Variants in NAA35 observed in about 807,000 individuals in gnomAD.
The protein encoded by NAA35 is N-alpha-acetyltransferase 35, NatC auxiliary subunit.
NAA35 carries 18 observed loss-of-function variants against 101.7 expected under a neutral mutation model. The ratio of observed to expected loss-of-function variants is 0.18; its 90% CI spans 0.12 to 0.26. The LOEUF is 0.26. Among genes scored for constraint, NAA35 ranks in the 10% least tolerant of loss-of-function variants. The pLI, the probability that NAA35 is intolerant of heterozygous loss-of-function variation, is 1.00. For missense variants in NAA35, 601 were observed against 886.8 expected (o/e 0.68, Z 4.09); for synonymous variants, 267 against 273.1 (o/e 0.98, Z 0.22).
Position 86,018,256 on chromosome 9 carries a change from C to T in NAA35, c.1775C>T (p.Thr592Ile). ...TTTCTTATTCCCTTTTTCATTTAGACCATGGTAGCATTTGACATGGACGGC... is the reference window on the plus strand; with the variant it reads ...TTTCTTATTCCCTTTTTCATTTAGATCATGGTAGCATTTGACATGGACGGC... Reference protein sequence around the residue: ...YQNMCAGMFKTMVAFDMDGKV... With the variant: ...YQNMCAGMFKIMVAFDMDGKV... The change falls in exon 20 of 23, where the codon ACC becomes ATC. Residue 592 changes from threonine to isoleucine, a missense_variant and splice_region_variant. Thr to Ile is a moderately conservative substitution (Grantham distance 89). This residue lies in a region of NAA35 where 99 missense variants were observed against 206.7 expected (regional missense o/e 0.48). Transcript: ENST00000361671. 1 of 1,609,290 alleles carries T rather than the reference C, an allele frequency of 6.2e-7. No homozygotes were observed. Among genetic ancestry groups the T allele is most frequent in the African/African-American group, 1.3e-5 (1 of 74,744 alleles).
At chr9:86,019,725 C>T (rs556114231) in intron 21 of NAA35, among the ~76,000 whole-genome samples, 3 of 152,258 alleles carry the variant, frequency 2.0e-5, no homozygotes, top group African/African-American at 7.2e-5. Context: ...GGAAGTATAT[C>T]TTGGGACCGC....
intron 2 of NAA35, among the ~76,000 whole-genome samples, chr9:85,944,619 C>T (rs1207731793): frequency 6.6e-6 from 1 of 152,234 alleles, no homozygotes; most frequent in Non-Finnish European, 1.5e-5. Flanking sequence ...GCTTCTCACC[C>T]TTTCCTTCCC....
intron 18 of NAA35, 99 bp downstream of exon 18, chr9:86,016,774 T>G: frequency 8.2e-7 from 1 of 1,225,312 alleles, no homozygotes; most frequent in Non-Finnish European, 1.1e-6. Context: ...TATATTTTAG[T>G]TCTTGTTCCT....
intron 6 of NAA35, 26 bp downstream of exon 6, chr9:85,962,206 C>G: frequency 6.2e-7 from 1 of 1,607,536 alleles, no homozygotes; most frequent in Non-Finnish European, 8.5e-7. Flanking sequence ...GTAAGAAATC[C>G]TTGGCCAGGT....
At chr9:86,015,841 T>C in intron 17 of NAA35, 3 of 935,526 alleles carry the variant, frequency 3.2e-6, no homozygotes, top group Non-Finnish European at 3.8e-6. Flanking sequence ...TTCACTTGAA[T>C]TAAGATATAT....
At chr9:86,012,662 G>A (rs1190295057) in intron 15 of NAA35, among the ~76,000 whole-genome samples, 1 of 152,130 alleles carries the variant, frequency 6.6e-6, no homozygotes, top group East Asian at 1.9e-4. Context: ...ATGGCTATTA[G>A]CTCTTTTTAA....
At chr9:86,018,908 G>T in intron 21 of NAA35, 87 bp downstream of exon 21, 1 of 1,495,864 alleles carries the variant, frequency 6.7e-7, no homozygotes, top group Non-Finnish European at 9.1e-7. Context: ...TTATGAAAGT[G>T]AACTTTAATA....
rs1284132251 is a variant in NAA35 at position 86,016,524 on chromosome 9, T to C, written c.1569-15T>C. On this transcript the variant is annotated splice_polypyrimidine_tract_variant and intron_variant, in intron 17 of 22. Coordinates refer to ENST00000361671, the MANE Select transcript of NAA35 (RefSeq NM_024635.4). ...TTAGACATCTACCATTAACTAACAT[T>C]TTGTATCCTTTAAGGTATCTCTCTG... 1.2e-6 allele frequency: 2 copies of C among 1,607,400 alleles called. No individual in the cohort carries two copies. Among genetic ancestry groups the C allele is most frequent in the East Asian group, 2.2e-5 (1 of 44,812 alleles).
chr9:85,968,275 A>C (rs904671778), intron 6 of NAA35, among the ~76,000 whole-genome samples: 1 of 152,180 alleles, frequency 6.6e-6, no homozygotes, highest in Non-Finnish European at 1.5e-5. Context: ...CAGTGGCGCT[A>C]TCTCGGCTCA....
chr9:85,999,649 G>T (rs1490150429), intron 12 of NAA35, among the ~76,000 whole-genome samples: 1 of 152,188 alleles, frequency 6.6e-6, no homozygotes, highest in Non-Finnish European at 1.5e-5. Context: ...CTGAGGCATT[G>T]TCAGTGATCC....
intron 11 of NAA35, among the ~76,000 whole-genome samples, chr9:85,987,264 A>G (rs986129609): frequency 2.0e-5 from 3 of 152,224 alleles, no homozygotes; most frequent in Non-Finnish European, 2.9e-5. Context: ...GTGACTGAAA[A>G]AAGTTAAAAA....
chr9:85,996,378 C>T (rs1831158743), intron 11 of NAA35, 21 bp from the exon 12 acceptor site: 2 of 1,533,932 alleles, frequency 1.3e-6, no homozygotes, highest in Non-Finnish European at 1.8e-6. Flanking sequence ...AAAAATTTTA[C>T]TTTCATTTTT....
intron 1 of NAA35, 196 bp from the exon 2 acceptor site, chr9:85,941,959 C>T (rs1290903049): frequency 6.4e-6 from 8 of 1,246,492 alleles, no homozygotes; most frequent in Non-Finnish European, 7.2e-6. Flanking sequence ...TAATAGTAAG[C>T]AGCAGGAGTG....
chr9:85,947,358 G>A (rs1828817475), intron 2 of NAA35, among the ~76,000 whole-genome samples: 1 of 152,106 alleles, frequency 6.6e-6, no homozygotes, highest in Admixed American at 6.5e-5. Flanking sequence ...CATCTGTGTG[G>A]GGTGAGAGTC....
chr9:86,012,323 A>G (rs529386764), intron 15 of NAA35, among the ~76,000 whole-genome samples: 3 of 151,890 alleles, frequency 2.0e-5, no homozygotes, highest in East Asian at 3.9e-4. Context: ...TTCACCACCA[A>G]CAGTCACAAC....
chr9:85,946,473 A>G (rs976598356), intron 2 of NAA35, among the ~76,000 whole-genome samples: 3 of 152,078 alleles, frequency 2.0e-5, no homozygotes, highest in Admixed American at 6.6e-5. Flanking sequence ...GTAATCCAAA[A>G]TCTGCCATGC....
Position 85,995,665 on chromosome 9 carries a change from T to G in NAA35, c.878-734T>G, listed in dbSNP as rs571621961. On this transcript the variant is annotated intron_variant, in intron 11 of 22. Transcript: ENST00000361671. ...ATTTTTTCTTAGGTTGTGGCCAGTT[T>G]GTAGACTAGCAGGAGAACTTTGAAT... 3.9e-5 allele frequency among the ~76,000 whole-genome samples: 6 copies of G among 152,302 alleles called. No homozygotes were observed. The South Asian group carries it at 1.2e-3, about 32-fold the overall frequency.
At chr9:86,005,033 A>C (rs1475389916) in intron 13 of NAA35, among the ~76,000 whole-genome samples, 1 of 152,218 alleles carries the variant, frequency 6.6e-6, no homozygotes, top group Non-Finnish European at 1.5e-5. Context: ...CAAACATGGA[A>C]AACTATAGAC....
chr9:85,941,293 A>G lies in NAA35; in HGVS notation c.-6+20A>G, dbSNP rs1170021539. The G allele has an allele frequency of 9.1e-6, 9 of 985,422 alleles. No individual in the cohort carries two copies. Among genetic ancestry groups the G allele is most frequent in the Admixed American group, 6.1e-5 (1 of 16,270 alleles). 61.0% of individuals were successfully genotyped at this position (985,422 alleles called of 1,614,324 possible). On this transcript the variant is annotated intron_variant, in intron 1 of 22. Coordinates refer to ENST00000361671, the MANE Select transcript of NAA35 (RefSeq NM_024635.4). ...AAGTAGGTAGGGACCGCCCCTGCGT[A>G]GCCATTGAAACCCTCTCGCTCGTGT...
Sources: gnomAD v4.1 joint callset for allele counts (sites outside exome capture counted in the v4.1 genomes callset) on GRCh38, gnomAD v4.1.1 for gene constraint, gnomAD v4.1.1 regional missense constraint, MANE v1.5 for transcripts, NCBI Gene and HGNC (gene_info 2026-07-23, HGNC 2026-07-21) for gene names.